Variants in SLC24A2 observed in about 807,000 individuals in gnomAD.
The protein encoded by SLC24A2 is solute carrier family 24 member 2, also known as sodium/potassium/calcium exchanger 2.
SLC24A2 carries 36 observed loss-of-function variants against 62.0 expected under a neutral mutation model. That is an observed-to-expected ratio of 0.58 (90% confidence interval 0.44 to 0.77). The LOEUF is 0.77. Among genes scored for constraint, SLC24A2 ranks in the 30% least tolerant of loss-of-function variants. The pLI is 0.00. For synonymous variants in SLC24A2, 358 were observed against 294.0 expected (o/e 1.22, Z -2.23); for missense variants, 846 against 817.9 (o/e 1.03, Z -0.42).
At chr9:19,521,204 C>T in intron 9 of SLC24A2, 144 bp from the exon 10 acceptor site, 1 of 760,668 alleles carries the variant, frequency 1.3e-6, no homozygotes. Context: ...GAATAAGCCA[C>T]AGTCATTGCT....
chr9:20,293,184 C>G, the SLC24A2 span, among the ~76,000 whole-genome samples: 1 of 152,218 alleles, frequency 6.6e-6, no homozygotes. Context: ...TACATCGACA[C>G]CAACTCTATT....
the SLC24A2 span, among the ~76,000 whole-genome samples, chr9:19,947,808 AAAAG>A: frequency 7.2e-3 from 426 of 59,266 alleles, 9 homozygotes; most frequent in African/African-American, 0.025. Context: ...AAAAAAAAAA[AAAAG>A]AAAGAAAGAA....
At chr9:19,589,435 C>A (rs776251325) in intron 5 of SLC24A2, among the ~76,000 whole-genome samples, 1 of 152,146 alleles carries the variant, frequency 6.6e-6, no homozygotes, top group Non-Finnish European at 1.5e-5. Context: ...AAGAGATTCA[C>A]TCTTATTGTC....
chr9:19,567,061 A>G (rs931513417), intron 7 of SLC24A2, among the ~76,000 whole-genome samples: 1 of 152,042 alleles, frequency 6.6e-6, no homozygotes, highest in Non-Finnish European at 1.5e-5. Context: ...ATACATATGT[A>G]ATAAACCTGC....
the SLC24A2 span, among the ~76,000 whole-genome samples, chr9:19,847,257 A>G: frequency 6.6e-6 from 1 of 152,212 alleles, no homozygotes; most frequent in Non-Finnish European, 1.5e-5. Flanking sequence ...TTAATTTAAT[A>G]TTGCCCATTA....
At chr9:19,850,022 CTT>C in the SLC24A2 span, among the ~76,000 whole-genome samples, 9 of 144,632 alleles carry the variant, frequency 6.2e-5, no homozygotes, top group Admixed American at 1.4e-4. Context: ...ATAAAAACTG[CTT>C]TTTTTTTTTT....
At chr9:19,679,772 A>C (rs536394290) in intron 2 of SLC24A2, among the ~76,000 whole-genome samples, 19 of 152,038 alleles carry the variant, frequency 1.2e-4, no homozygotes, top group Non-Finnish European at 2.6e-4. Flanking sequence ...GCAGATGGCA[A>C]AACTGGGATC....
chr9:20,087,997 A>T, the SLC24A2 span, among the ~76,000 whole-genome samples: 1 of 151,880 alleles, frequency 6.6e-6, no homozygotes, highest in Non-Finnish European at 1.5e-5. Context: ...TCGTGAATCC[A>T]CTCCACCAGG....
chr9:19,841,957 G>A, the SLC24A2 span, among the ~76,000 whole-genome samples: 1 of 152,146 alleles, frequency 6.6e-6, no homozygotes, highest in South Asian at 2.1e-4. Flanking sequence ...TCCTTATGAA[G>A]AATTATCTGT....
the SLC24A2 span, among the ~76,000 whole-genome samples, chr9:19,953,620 T>G: frequency 6.6e-6 from 1 of 152,074 alleles, no homozygotes; most frequent in African/African-American, 2.4e-5. Context: ...ATTTATTAAG[T>G]AGATAGGTCC....
chr9:19,918,393 CAAA>C, the SLC24A2 span, among the ~76,000 whole-genome samples: 2 of 137,632 alleles, frequency 1.5e-5, no homozygotes, highest in Admixed American at 7.2e-5. Flanking sequence ...CTGCCTTTAT[CAAA>C]AAAAAAAAAA....
rs560676848 is a variant in SLC24A2, at chr9:19,783,409, G to C, written c.930+2528C>G. 5.9e-5 allele frequency among the ~76,000 whole-genome samples: 9 copies of C among 152,224 alleles called. No individual in the cohort carries two copies. The South Asian group carries it at 1.0e-3, about 18-fold the overall frequency. On this transcript the variant is annotated intron_variant, in intron 2 of 10. Coordinates refer to ENST00000341998, the MANE Select transcript of SLC24A2 (RefSeq NM_020344.4). The stretch of plus-strand genomic sequence containing the variant: ...CCTCTCTAGGAAGACTCCACTGAAG[G>C]CCGCATTTGGCTTAAAGTCTTTTTT...
At chr9:19,521,583 G>A (rs745818890) in intron 9 of SLC24A2, among the ~76,000 whole-genome samples, 3 of 152,190 alleles carry the variant, frequency 2.0e-5, no homozygotes, top group South Asian at 2.1e-4. Context: ...TGGGTGTTTC[G>A]GGTTTTGGTA....
the SLC24A2 span, among the ~76,000 whole-genome samples, chr9:20,288,305 CA>C: frequency 2.0e-4 from 31 of 152,038 alleles, no homozygotes; most frequent in Non-Finnish European, 4.1e-4. Context: ...TTGTATTTTC[CA>C]AAGCCTCTCA....
chr9:19,935,157 G>C, the SLC24A2 span, among the ~76,000 whole-genome samples: 1 of 151,738 alleles, frequency 6.6e-6, no homozygotes, highest in African/African-American at 2.4e-5. Flanking sequence ...TGCATCACTT[G>C]GGTTGCTTGT....
rs1385673398 is a variant in SLC24A2, at chr9:19,636,379, C to CTT, written c.931-14082_931-14081dup. 2.0e-4 allele frequency among the ~76,000 whole-genome samples: 5 copies of CTT among 24,828 alleles called. 1 individual carries two copies. The highest frequency in any genetic ancestry group is 8.0e-4 in the African/African-American group (5 of 6,234). 16.3% of individuals were successfully genotyped at this position (24,828 alleles called of 152,430 possible). A position where few individuals can be genotyped will look rare whatever the true frequency, so the allele number is the denominator to read the frequency against. On this transcript the variant is annotated intron_variant, in intron 2 of 10. Coordinates refer to ENST00000341998, the MANE Select transcript of SLC24A2 (RefSeq NM_020344.4). ...TCTTTCTTTCTTTCTTTCTTTCTTTCTTTCTTTCTCCCTCTCTCTCTCTCT... is the reference window on the plus strand; with the variant it reads ...TCTTTCTTTCTTTCTTTCTTTCTTTCTTTTTCTTTCTCCCTCTCTCTCTCTCT...
chr9:20,237,640 C>G, the SLC24A2 span, among the ~76,000 whole-genome samples: 2 of 152,124 alleles, frequency 1.3e-5, no homozygotes, highest in African/African-American at 4.8e-5. Context: ...TATTCATGCT[C>G]AAGAAAGAGC....
chr9:19,731,520 T>TCTCC (rs1157333491), intron 2 of SLC24A2, among the ~76,000 whole-genome samples: 1 of 118,722 alleles, frequency 8.4e-6, no homozygotes, highest in African/African-American at 2.5e-5. Flanking sequence ...TCTCTCCGTG[T>TCTCC]GTGTGTGTGT....
At chr9:20,219,550 G>C in the SLC24A2 span, among the ~76,000 whole-genome samples, 2 of 152,094 alleles carry the variant, frequency 1.3e-5, no homozygotes, top group African/African-American at 4.8e-5. Flanking sequence ...GGCAGGTTGC[G>C]CTTATGTTAA....
Sources: allele counts gnomAD v4.1 joint callset (sites outside exome capture counted in the v4.1 genomes callset), GRCh38; gene constraint gnomAD v4.1.1; transcripts MANE v1.5; gene names NCBI Gene and HGNC (gene_info 2026-07-23, HGNC 2026-07-21).